DMD: variants seen among roughly 807,000 people sequenced by gnomAD.
DMD encodes the protein dystrophin, also known as mutant dystrophin.
A neutral mutation model predicts 330.1 loss-of-function variants in DMD; 63 were observed. That is an observed-to-expected ratio of 0.19 (90% confidence interval 0.16 to 0.24). DMD has a LOEUF of 0.24. DMD is among the 10% of genes least tolerant of loss of function. The pLI, the probability that DMD is intolerant of heterozygous loss-of-function variation, is 1.00. For synonymous variants in DMD, 1,223 were observed against 959.8 expected, an observed-to-expected ratio of 1.27 and a Z score of -5.07; for missense variants, 3,344 against 2,684.1, an observed-to-expected ratio of 1.25 and a Z score of -5.43.
chrX:32,561,655 G>A (rs2051022698), intron 16 of DMD, among the ~76,000 whole-genome samples: 1 of 111,213 alleles, frequency 9.0e-6, no homozygotes, highest in African/African-American at 3.3e-5. Flanking sequence ...GGAAATACAA[G>A]ATACTCACTG....
At chrX:31,842,269 T>C (rs1208489928) in intron 48 of DMD, among the ~76,000 whole-genome samples, 3 of 111,965 alleles carry the variant, frequency 2.7e-5, no homozygotes, top group Non-Finnish European at 5.6e-5. Flanking sequence ...ATAATGAAAC[T>C]TCAATGGATG....
At chrX:31,453,777 A>AAAAAAAAAAAAAAAAC (rs2065944289) in intron 59 of DMD, among the ~76,000 whole-genome samples, 3 of 103,663 alleles carry the variant, frequency 2.9e-5, no homozygotes, top group African/African-American at 7.0e-5. Context: ...AAAAAAAAAA[A>AAAAAAAAAAAAAAAAC]AAAAAAAAAA....
intron 52 of DMD, among the ~76,000 whole-genome samples, chrX:31,694,007 C>A (rs747956173): frequency 1.8e-5 from 2 of 111,205 alleles, no homozygotes; most frequent in African/African-American, 6.5e-5. Context: ...TACTGGATTT[C>A]AAAATGTATT....
chrX:32,392,545 C>A lies in DMD; in HGVS notation c.4234-2364G>T, dbSNP rs138407159. On this transcript the variant is annotated intron_variant, in intron 30 of 78. Coordinates refer to ENST00000357033, the MANE Select transcript of DMD (RefSeq NM_004006.3). ...AAAGTGCTGGGATTACAGGTGTGAG[C>A]CACCGTGCCCAGCCCGTAGATAGCA... 5.8e-3 allele frequency among the ~76,000 whole-genome samples: 645 copies of A among 111,529 alleles called. 4 individuals are homozygous for A. Among genetic ancestry groups the A allele is most frequent in the Non-Finnish European group, 9.3e-3 (493 of 53,054 alleles).
intron 1 of DMD, among the ~76,000 whole-genome samples, chrX:33,045,308 AGGTG>A (rs1471900917): frequency 1.1e-5 from 1 of 93,047 alleles, no homozygotes; most frequent in African/African-American, 4.3e-5. Context: ...ACACACACAC[AGGTG>A]CGTACACACA....
Position 31,820,079 on chromosome X carries a change from T to C in DMD, c.7205A>G (p.Lys2402Arg). 3 of 1,204,528 alleles carry C rather than the reference T, an allele frequency of 2.5e-6. No individual in the cohort carries two copies. Among genetic ancestry groups the C allele is most frequent in the Non-Finnish European group, 3.4e-6 (3 of 888,734 alleles). Residue 2402 changes from lysine (K) to arginine (R), a missense_variant, in exon 50 of 79, where the codon AAG becomes AGG. Lys to Arg is a conservative substitution (Grantham distance 26). Coordinates refer to ENST00000357033, the MANE Select transcript of DMD (RefSeq NM_004006.3). ...CCACTCAGAGCTCAGATCTTCTAACTTCCTCTTTAACAGAAAAGCATACAC... is the reference window on the plus strand; with the variant it reads ...CCACTCAGAGCTCAGATCTTCTAACCTCCTCTTTAACAGAAAAGCATACAC... ...EKPATQPVKR[K>R]LEDLSSEWKA... is the part of the protein sequence containing the mutation.
rs575135011 is a variant in DMD, at chrX:33,186,433, T to C, written c.31+24849A>G. ...GAGTTCAAATATATATTCAATACCATAGGCATAGACATACCACATAAATGT... is the reference window on the plus strand; with the variant it reads ...GAGTTCAAATATATATTCAATACCACAGGCATAGACATACCACATAAATGT... On this transcript the variant is annotated intron_variant, in intron 1 of 78. Coordinates refer to ENST00000357033, the MANE Select transcript of DMD (RefSeq NM_004006.3). Among the ~76,000 whole-genome samples, 12 of 111,299 alleles carry C rather than the reference T, an allele frequency of 1.1e-4. No homozygotes were observed. The South Asian group carries it at 3.4e-3, about 32-fold the overall frequency.
At chrX:31,927,358 CTCTT>C (rs1348372442) in intron 47 of DMD, among the ~76,000 whole-genome samples, 1 of 112,162 alleles carries the variant, frequency 8.9e-6, no homozygotes, top group Non-Finnish European at 1.9e-5. Context: ...AAAACCTTGA[CTCTT>C]TCACAACCCA....
At chrX:32,726,474 G>C (rs1414933154) in intron 7 of DMD, among the ~76,000 whole-genome samples, 1 of 110,777 alleles carries the variant, frequency 9.0e-6, no homozygotes, top group Non-Finnish European at 1.9e-5. Context: ...CAATGATCTT[G>C]GATCTTAAGG....
intron 29 of DMD, among the ~76,000 whole-genome samples, chrX:32,427,459 G>A (rs1242032153): frequency 1.8e-5 from 2 of 111,048 alleles, no homozygotes; most frequent in Non-Finnish European, 3.8e-5. Flanking sequence ...GTATTATAAA[G>A]AGTGAATATA....
intron 30 of DMD, among the ~76,000 whole-genome samples, chrX:32,403,200 G>A (rs778308457): frequency 6.3e-5 from 7 of 111,831 alleles, no homozygotes; most frequent in African/African-American, 1.9e-4. Flanking sequence ...GTGCATTTTA[G>A]ATCGATAAAT....
chrX:32,770,457 G>A (rs930449024), intron 7 of DMD, among the ~76,000 whole-genome samples: 4 of 111,590 alleles, frequency 3.6e-5, no homozygotes, highest in African/African-American at 1.3e-4. Flanking sequence ...GATGTAAAAT[G>A]TTTACGTGTT....
chrX:31,380,946 T>C lies in DMD; in HGVS notation c.9085-32312A>G, dbSNP rs998399315. 1.5e-4 allele frequency among the ~76,000 whole-genome samples: 17 copies of C among 110,740 alleles called. No individual in the cohort carries two copies. In the Admixed American group the frequency reaches 1.7e-3, roughly 11 times the overall value. On this transcript the variant is annotated intron_variant, in intron 60 of 78. Transcript: ENST00000357033. ...GTTACCTATCTCGGCATAATTCTCA[T>C]AAAAACACACGTGCTCTCCCTGCTG...
intron 44 of DMD, among the ~76,000 whole-genome samples, chrX:32,196,997 A>AC (rs1569550301): frequency 6.8e-5 from 7 of 103,183 alleles, no homozygotes; most frequent in Non-Finnish European, 3.9e-5. Context: ...AAAAAAAAAA[A>AC]AAAAAAAACA....
chrX:31,312,638 C>G (rs1305221993), intron 62 of DMD, among the ~76,000 whole-genome samples: 1 of 112,613 alleles, frequency 8.9e-6, no homozygotes, highest in Non-Finnish European at 1.9e-5. Flanking sequence ...AATCATTCTA[C>G]TATAAAGACA....
At chrX:32,819,892 G>C (rs941911576) in intron 5 of DMD, among the ~76,000 whole-genome samples, 4 of 109,414 alleles carry the variant, frequency 3.7e-5, no homozygotes, top group Admixed American at 2.0e-4. Flanking sequence ...AGATTCACTG[G>C]ATTATGATGA....
intron 2 of DMD, among the ~76,000 whole-genome samples, chrX:32,957,073 T>C (rs935900695): frequency 1.8e-5 from 2 of 111,600 alleles, no homozygotes; most frequent in Admixed American, 9.6e-5. Context: ...TTTTTCAGTG[T>C]CTCATTTAAA....
chrX:32,621,671 AT>A (rs1409492421), intron 11 of DMD, among the ~76,000 whole-genome samples: 6 of 109,785 alleles, frequency 5.5e-5, no homozygotes, highest in Non-Finnish European at 1.1e-4. Context: ...CTGGTTGGGG[AT>A]TTTTGGGGTA....
intron 5 of DMD, among the ~76,000 whole-genome samples, chrX:32,821,311 G>A (rs141120873): frequency 0.011 from 1,245 of 111,546 alleles, 19 homozygotes; most frequent in African/African-American, 0.039. Flanking sequence ...CAAGCCGGGC[G>A]CAGTGGCTCA....
Sources: gnomAD v4.1 joint callset for allele counts (sites outside exome capture counted in the v4.1 genomes callset) on GRCh38, gnomAD v4.1.1 for gene constraint, MANE v1.5 for transcripts, NCBI Gene and HGNC (gene_info 2026-07-23, HGNC 2026-07-21) for gene names.